NAV2: variants seen among roughly 807,000 people sequenced by gnomAD.
NAV2 encodes neuron navigator 2, also known as helicase, APC down-regulated 1.
A neutral mutation model predicts 223.2 loss-of-function variants in NAV2; 54 were observed. The observed-to-expected ratio is 0.24, with a 90% CI of 0.19 to 0.30. The LOEUF (loss-of-function observed/expected upper bound fraction) is 0.30. Ranked by LOEUF, NAV2 falls within the 10% of genes least tolerant of loss-of-function variation. The pLI is 1.00. For missense variants in NAV2, 2,806 were observed against 3,147.5 expected, an observed-to-expected ratio of 0.89 and a Z score of 2.60; for synonymous variants, 1,279 against 1,239.3, an observed-to-expected ratio of 1.03 and a Z score of -0.67.
intron 1 of NAV2, among the ~76,000 whole-genome samples, chr11:19,808,697 A>G (rs2058703226): frequency 6.6e-6 from 1 of 152,226 alleles, no homozygotes; most frequent in Non-Finnish European, 1.5e-5. Context: ...AATGTGGCCC[A>G]GAGAATAGAA....
chr11:19,764,164 G>A (rs919333276), intron 1 of NAV2, among the ~76,000 whole-genome samples: 2 of 152,186 alleles, frequency 1.3e-5, no homozygotes, highest in African/African-American at 4.8e-5. Context: ...CTTAGAGGAA[G>A]CATTCCTGGA....
intron 2 of NAV2, among the ~76,000 whole-genome samples, chr11:19,832,979 A>C (rs139004417): frequency 0.01 from 1,549 of 152,340 alleles, 9 homozygotes; most frequent in Non-Finnish European, 0.016. Flanking sequence ...TCCAAAAAAA[A>C]AGTAACGTGG....
Position 19,713,558 on chromosome 11 carries a change from ATT to A in NAV2, c.-129_-128del. ...TTGCTTCGAGTTCCCCGACCTGGGG[ATT>A]TTTTTTTTAGCCGCTGGTGGTGGGC... On this transcript the variant is annotated 5_prime_UTR_variant, in exon 1 of 38. Coordinates refer to ENST00000349880, the MANE Select transcript of NAV2 (RefSeq NM_145117.5). This position sits in a 1 kb window ranked among gnomAD's most constrained non-coding sequence, Gnocchi z 7.2. 2 of 1,287,020 alleles carry A rather than the reference ATT, an allele frequency of 1.6e-6. No homozygotes were observed. Among genetic ancestry groups the A allele is most frequent in the African/African-American group, 1.5e-5 (1 of 64,742 alleles). The allele number at this position is 1,287,020 out of a possible 1,614,324, so 79.7% of individuals were successfully genotyped here.
intron 1 of NAV2, among the ~76,000 whole-genome samples, chr11:19,828,408 T>G (rs112314035): frequency 1.3e-5 from 2 of 152,268 alleles, no homozygotes; most frequent in Non-Finnish European, 1.5e-5. Flanking sequence ...AATTTGATTC[T>G]TGTAGGTACC....
chr11:19,762,611 CTTTTT>C (rs35264238), intron 1 of NAV2, among the ~76,000 whole-genome samples: 1 of 109,542 alleles, frequency 9.1e-6, no homozygotes, highest in Admixed American at 9.7e-5. Context: ...GAGAAGTCTT[CTTTTT>C]TTTTTTTTTT....
At chr11:19,598,769 A>T (rs1314026294) in intron 1 of NAV2, among the ~76,000 whole-genome samples, 2 of 152,206 alleles carry the variant, frequency 1.3e-5, no homozygotes, top group African/African-American at 4.8e-5. Flanking sequence ...CCAGTAGGTT[A>T]TCCGGCCTCT....
chr11:19,745,074 G>C (rs941986570), intron 1 of NAV2, among the ~76,000 whole-genome samples: 3 of 152,174 alleles, frequency 2.0e-5, no homozygotes, highest in African/African-American at 4.8e-5. Context: ...GGGTTGTACT[G>C]TCACCAGCAC....
intron 1 of NAV2, among the ~76,000 whole-genome samples, chr11:19,484,163 A>C (rs1428417398): frequency 1.6e-5 from 1 of 63,076 alleles, no homozygotes; most frequent in Non-Finnish European, 4.3e-5. Flanking sequence ...CACACACCCC[A>C]AGTCTCAGAG....
chr11:19,456,706 C>A (rs914780295), intron 1 of NAV2, among the ~76,000 whole-genome samples: 1 of 152,202 alleles, frequency 6.6e-6, no homozygotes, highest in Non-Finnish European at 1.5e-5. Flanking sequence ...TCTGACCTCC[C>A]AGGTAAAATT....
chr11:19,705,119 A>G (rs1344299301), intron 1 of NAV2, among the ~76,000 whole-genome samples: 2 of 140,994 alleles, frequency 1.4e-5, no homozygotes, highest in South Asian at 2.3e-4. Context: ...AAATAAATAA[A>G]TAAGTCTTCT....
intron 11 of NAV2, among the ~76,000 whole-genome samples, chr11:19,988,716 C>A (rs1407822461): frequency 6.6e-6 from 1 of 152,124 alleles, no homozygotes; most frequent in East Asian, 1.9e-4. Flanking sequence ...AGGCCTCTCT[C>A]AAGGAGAGTC....
chr11:19,347,443 C>A (rs1055503655), upstream of NAV2, among the ~76,000 whole-genome samples: 1 of 152,152 alleles, frequency 6.6e-6, no homozygotes, highest in African/African-American at 2.4e-5. Flanking sequence ...GGGGTGGTTG[C>A]CCAGAGGAAG....
At chr11:19,465,188 G>A (rs150239766) in intron 1 of NAV2, among the ~76,000 whole-genome samples, 1 of 152,162 alleles carries the variant, frequency 6.6e-6, no homozygotes, top group Admixed American at 6.5e-5. Flanking sequence ...AGGTAAGAGG[G>A]CACTGGGAGT....
intron 17 of NAV2, among the ~76,000 whole-genome samples, chr11:20,053,701 A>T (rs760474775): frequency 6.6e-6 from 1 of 152,208 alleles, no homozygotes; most frequent in African/African-American, 2.4e-5. Flanking sequence ...GAGTTGTCTA[A>T]TTAAAACTCC....
At chr11:19,681,369 T>C (rs1175814557) in intron 1 of NAV2, among the ~76,000 whole-genome samples, 1 of 152,200 alleles carries the variant, frequency 6.6e-6, no homozygotes, top group Non-Finnish European at 1.5e-5. Context: ...ATAGGGAAGT[T>C]GAAGTTTTGA....
At chr11:19,374,609 A>G in intron 1 of NAV2, among the ~76,000 whole-genome samples, 1 of 152,236 alleles carries the variant, frequency 6.6e-6, no homozygotes, top group East Asian at 1.9e-4. Context: ...ATAGGAAGAA[A>G]CACCAAGAGA....
rs143498535 is a variant in NAV2, at chr11:19,773,829, T to C, written c.268-58655T>C. ...GTCCTCATACCCATCCCCTGCATGA[T>C]TTCAACAGACATCTAATTGGTCTCC... On this transcript the variant is annotated intron_variant, in intron 1 of 37. Coordinates refer to ENST00000349880, the MANE Select transcript of NAV2 (RefSeq NM_145117.5). Among the ~76,000 whole-genome samples the C allele has an allele frequency of 4.3e-3, 658 of 152,300 alleles. 5 individuals carry two copies. The highest frequency in any genetic ancestry group is 0.011 in the Admixed American group (174 of 15,302).
intron 37 of NAV2, among the ~76,000 whole-genome samples, chr11:20,117,597 T>G (rs1277338188): frequency 1.3e-5 from 2 of 152,088 alleles, no homozygotes; most frequent in African/African-American, 2.4e-5. Context: ...GCAGCACAGT[T>G]GGCTCCAGTC....
intron 1 of NAV2, among the ~76,000 whole-genome samples, chr11:19,422,620 C>A (rs535983055): frequency 1.3e-5 from 2 of 152,168 alleles, no homozygotes; most frequent in Admixed American, 6.5e-5. Flanking sequence ...TGTTGTTCTG[C>A]GCACTGGCCA....
Sources: gnomAD v4.1 joint callset for allele counts (sites outside exome capture counted in the v4.1 genomes callset) on GRCh38, gnomAD v4.1.1 for gene constraint, Gnocchi (gnomAD v3.1) non-coding constraint, MANE v1.5 for transcripts, NCBI Gene and HGNC (gene_info 2026-07-23, HGNC 2026-07-21) for gene names.